Variants in ENTPD7 observed in about 807,000 individuals in gnomAD.
The protein encoded by ENTPD7 is NTPDase 7.
In ENTPD7, 53 loss-of-function variants were observed where a neutral mutation model predicts 77.9. That is an observed-to-expected ratio of 0.68 (90% CI 0.55 to 0.85). ENTPD7 has a LOEUF of 0.85. ENTPD7 is among the 40% of genes least tolerant of loss of function. The pLI, the probability that ENTPD7 is intolerant of heterozygous loss-of-function variation, is 0.00. For missense variants in ENTPD7, 636 were observed against 743.7 expected (o/e 0.86, Z 1.68); for synonymous variants, 248 against 274.9 (o/e 0.90, Z 0.97).
intron 3 of ENTPD7, among the ~76,000 whole-genome samples, chr10:99,665,268 A>AG (rs1409764380): frequency 6.0e-5 from 9 of 150,838 alleles, no homozygotes; most frequent in East Asian, 3.9e-4. Flanking sequence ...AAAAAAAAAA[A>AG]AGAGAAGAAA....
In ENTPD7 at chr10:99,698,841, T is replaced by C; in HGVS notation, c.1318T>C (p.Phe440Leu). Residue 440 changes from phenylalanine (F) to leucine (L), a missense_variant, in exon 10 of 13, where the codon TTT (phenylalanine) becomes CTT (leucine). By Grantham distance (22) the Phe-to-Leu change is conservative. Around this residue, in one of 3 missense-constraint regions of ENTPD7, gnomAD observed 486 missense variants for 556.5 expected, o/e 0.87. Transcript: ENST00000370489. ...TGGTGGCCGCTACCATGGGCCAACA[T>C]TTGCCAAGGCTGCTCAGGTAAATTA... The part of the protein sequence containing the change: ...RIGGRYHGPT[F>L]AKAAQDYCGM... The C allele has an allele frequency of 6.2e-7, 1 of 1,604,040 alleles. No individual in the cohort carries two copies. Among genetic ancestry groups the C allele is most frequent in the Non-Finnish European group, 8.5e-7 (1 of 1,173,926 alleles).
Position 99,665,727 on chromosome 10 carries a change from A to T in ENTPD7, c.191+4099A>T, listed in dbSNP as rs2133440267. Among the ~76,000 whole-genome samples the T allele has an allele frequency of 1.3e-5, 2 of 151,258 alleles. 1 individual carries two copies. Among genetic ancestry groups the T allele is most frequent in the Admixed American group, 1.3e-4 (2 of 15,170 alleles). ...CTTTTTAAACGTTACTGAAATAGAGATGGAGGTCTCACTATGTTGCCCAGG... is the reference window on the plus strand; with the variant it reads ...CTTTTTAAACGTTACTGAAATAGAGTTGGAGGTCTCACTATGTTGCCCAGG... On this transcript the variant is annotated intron_variant, in intron 3 of 12. Transcript: ENST00000370489.
chr10:99,663,751 G>A (rs1212902380), intron 3 of ENTPD7, among the ~76,000 whole-genome samples: 4 of 152,002 alleles, frequency 2.6e-5, no homozygotes, highest in South Asian at 2.1e-4. Flanking sequence ...ATGGGTCACC[G>A]TGCCCTGCTT....
chr10:99,670,854 C>T (rs2035611970), intron 3 of ENTPD7, among the ~76,000 whole-genome samples: 1 of 151,924 alleles, frequency 6.6e-6, no homozygotes, highest in South Asian at 2.1e-4. Flanking sequence ...CTCATCTCTA[C>T]AGAAAATTTA....
rs1282145649 is a variant in ENTPD7, at chr10:99,704,630, T to C, written c.1762T>C (p.Leu588=). 1.2e-6 allele frequency: 2 copies of C among 1,614,100 alleles called. No homozygotes were observed. The highest frequency in any genetic ancestry group is 8.5e-7 in the Non-Finnish European group (1 of 1,180,006). ...RQTRASAPLD[L]LWLEEVVPMM... is the part of the protein sequence containing the mutation. ...AACACGAGCCTCAGCTCCATTGGAC[T>C]TGCTGTGGCTTGAAGAGGTGGTGCC... Residue 588 remains leucine (L), a synonymous_variant, in exon 13 of 13, where the codon TTG becomes CTG. Coordinates refer to ENST00000370489, the MANE Select transcript of ENTPD7 (RefSeq NM_020354.5).
Position 99,709,642 on chromosome 10 carries a change from G to A in ENTPD7, c.*4959G>A. The A allele has an allele frequency of 1.0e-6, 1 of 985,410 alleles. No homozygotes were observed. Among genetic ancestry groups the A allele is most frequent in the Non-Finnish European group, 1.2e-6 (1 of 829,926 alleles). 61.0% of individuals were successfully genotyped at this position (985,410 alleles called of 1,614,324 possible). On this transcript the variant is annotated 3_prime_UTR_variant, in exon 13 of 13. Transcript: ENST00000370489. ...TCATTCTCTCATAACCTGGATCTAAGTTGGAAAGCTGTGGCACCCTGTTTG... is the reference window on the plus strand; with the variant it reads ...TCATTCTCTCATAACCTGGATCTAAATTGGAAAGCTGTGGCACCCTGTTTG...
At chr10:99,674,945 T>C (rs2035662557) in intron 3 of ENTPD7, among the ~76,000 whole-genome samples, 1 of 152,238 alleles carries the variant, frequency 6.6e-6, no homozygotes, top group African/African-American at 2.4e-5. Context: ...CAATATTCTA[T>C]GTGATGAAAG....
At chr10:99,689,613 A>G (rs2035855832) in intron 7 of ENTPD7, among the ~76,000 whole-genome samples, 1 of 152,108 alleles carries the variant, frequency 6.6e-6, no homozygotes, top group Non-Finnish European at 1.5e-5. Context: ...GTTTTCCACT[A>G]CTCACATCAG....
rs200865353 is a variant in ENTPD7, at chr10:99,659,945, C to G, written c.-12C>G. ...AGAAGGTGACAGGCGTTGAGACCAC[C>G]GAAGGGAACCCATGGCTAGGTAAGG... is the stretch of plus-strand genomic sequence containing the variant. On this transcript the variant is annotated 5_prime_UTR_variant, in exon 2 of 13. Transcript: ENST00000370489. The surrounding 1 kb of genome is among the most constrained non-coding windows in gnomAD (Gnocchi z 4.1). 6.2e-7 allele frequency: 1 copy of G among 1,613,972 alleles called. No individual in the cohort carries two copies. Among genetic ancestry groups the G allele is most frequent in the Admixed American group, 1.7e-5 (1 of 60,026 alleles).
At position 99,659,912 on chromosome 10, in the gene ENTPD7, A is replaced by G. The variant is rs1303003220; in HGVS notation, c.-45A>G. On this transcript the variant is annotated 5_prime_UTR_variant, in exon 2 of 13. Transcript: ENST00000370489. The surrounding 1 kb of genome is among the most constrained non-coding windows in gnomAD (Gnocchi z 4.1). ...ACAAGGAGGCCACCTTCTCAGGGCA[A>G]AAGAAAAAGAAGGTGACAGGCGTTG... 2 of 1,613,906 alleles carry G rather than the reference A, an allele frequency of 1.2e-6. No individual in the cohort carries two copies. The highest frequency in any genetic ancestry group is 3.3e-5 in the Admixed American group (2 of 60,018).
At chr10:99,665,820 C>A (rs1423170192) in intron 3 of ENTPD7, among the ~76,000 whole-genome samples, 1 of 152,044 alleles carries the variant, frequency 6.6e-6, no homozygotes, top group African/African-American at 2.4e-5. Context: ...GGATTGCAGG[C>A]ATGAGTACCA....
intron 10 of ENTPD7, 60 bp from the exon 11 acceptor site, chr10:99,700,913 G>T: frequency 1.5e-6 from 2 of 1,350,228 alleles, no homozygotes; most frequent in African/African-American, 2.9e-5. Context: ...TGTGACTGTG[G>T]GGAAGGTAGA....
intron 3 of ENTPD7, among the ~76,000 whole-genome samples, chr10:99,669,613 T>G (rs2133445065): frequency 6.6e-6 from 1 of 152,208 alleles, no homozygotes; most frequent in South Asian, 2.1e-4. Context: ...TTAATACACT[T>G]TTTTTAGAGC....
intron 9 of ENTPD7, chr10:99,697,564 G>A (rs1343702584): frequency 6.4e-6 from 1 of 155,092 alleles, no homozygotes; most frequent in African/African-American, 2.4e-5. Context: ...ATCTTGTGTA[G>A]CTGCCAGTCT....
chr10:99,689,119 G>GACA (rs765085936), intron 7 of ENTPD7, among the ~76,000 whole-genome samples: 3 of 151,928 alleles, frequency 2.0e-5, no homozygotes, highest in Non-Finnish European at 4.4e-5. Context: ...ATGTCAGTAT[G>GACA]TATCTACAAC....
intron 11 of ENTPD7, among the ~76,000 whole-genome samples, chr10:99,701,635 A>G (rs1158411987): frequency 6.6e-6 from 1 of 152,056 alleles, no homozygotes; most frequent in Admixed American, 6.6e-5. Flanking sequence ...TATCAAACAT[A>G]TAGAAAAGTA....
At chr10:99,682,613 T>C (rs575883738) in intron 5 of ENTPD7, among the ~76,000 whole-genome samples, 5 of 152,328 alleles carry the variant, frequency 3.3e-5, no homozygotes, top group Non-Finnish European at 5.9e-5. Context: ...TGCTACCCTA[T>C]CAAAACTGTT....
In ENTPD7 at chr10:99,688,862, T is replaced by G. The variant is rs1590048223; in HGVS notation, c.709+112T>G. Reference sequence around the variant, plus strand: ...TGAGTTGTTTTTCTTTTTTCAAACATAAGATGCTTCATTTTCCAGTCCTAA... The same window carrying G: ...TGAGTTGTTTTTCTTTTTTCAAACAGAAGATGCTTCATTTTCCAGTCCTAA... On this transcript the variant is annotated intron_variant, in intron 7 of 12. Coordinates refer to ENST00000370489, the MANE Select transcript of ENTPD7 (RefSeq NM_020354.5). 2.2e-5 allele frequency: 22 copies of G among 983,876 alleles called. 1 individual carries two copies. The East Asian group carries it at 5.1e-4, about 23-fold the overall frequency. 60.9% of individuals were successfully genotyped at this position (983,876 alleles called of 1,614,324 possible).
chr10:99,676,366 A>T (rs114542852), intron 3 of ENTPD7, among the ~76,000 whole-genome samples: 14 of 152,224 alleles, frequency 9.2e-5, no homozygotes, highest in African/African-American at 3.4e-4. Flanking sequence ...ATAAGTTTTA[A>T]GATTATAAAG....
Sources: gnomAD v4.1 joint callset for allele counts (sites outside exome capture counted in the v4.1 genomes callset) on GRCh38, gnomAD v4.1.1 for gene constraint, gnomAD v4.1.1 regional missense constraint, Gnocchi (gnomAD v3.1) non-coding constraint, MANE v1.5 for transcripts, NCBI Gene and HGNC (gene_info 2026-07-23, HGNC 2026-07-21) for gene names.